Variants in AGAP1 observed in about 807,000 individuals in gnomAD.
The protein encoded by AGAP1 is ArfGAP with GTPase domain, ankyrin repeat and PH domain 1.
In AGAP1, 29 loss-of-function variants were observed where a neutral mutation model predicts 105.3. The ratio of observed to expected loss-of-function variants is 0.28; its 90% CI spans 0.21 to 0.38. The LOEUF (loss-of-function observed/expected upper bound fraction) is 0.38, where lower values mean the gene tolerates loss of function less well. Among genes scored for constraint, AGAP1 ranks in the 10% least tolerant of loss-of-function variants. The pLI is 1.00. For missense variants in AGAP1, 998 were observed against 1,165.1 expected (o/e 0.86, Z 2.09); for synonymous variants, 509 against 485.9 (o/e 1.05, Z -0.63).
chr2:235,760,540 A>G (rs1166768064), intron 6 of AGAP1, among the ~76,000 whole-genome samples: 1 of 152,192 alleles, frequency 6.6e-6, no homozygotes, highest in Non-Finnish European at 1.5e-5. Flanking sequence ...TTCATCTTAG[A>G]AGTATGAAAT....
At chr2:235,496,295 C>T (rs1464523845) in intron 1 of AGAP1, among the ~76,000 whole-genome samples, 1 of 152,178 alleles carries the variant, frequency 6.6e-6, no homozygotes, top group Non-Finnish European at 1.5e-5. Context: ...GTATCTGTCT[C>T]CCATGAGGTC....
At chr2:235,759,316 C>A (rs979730927) in intron 6 of AGAP1, among the ~76,000 whole-genome samples, 3 of 151,932 alleles carry the variant, frequency 2.0e-5, no homozygotes, top group Non-Finnish European at 4.4e-5. Flanking sequence ...CTACAGGCGC[C>A]TGCCACCACG....
rs1377522056 is a variant in AGAP1 at position 235,970,007 on chromosome 2, G to A, written c.1645+1384G>A. Reference sequence around the variant, plus strand: ...ACCTGACGTCAGGAGTTTGAGACCAGCCTGGCCAACATGATGAAACTCTGT... The same window carrying A: ...ACCTGACGTCAGGAGTTTGAGACCAACCTGGCCAACATGATGAAACTCTGT... On this transcript the variant is annotated intron_variant, in intron 13 of 17. Coordinates refer to ENST00000304032, the MANE Select transcript of AGAP1 (RefSeq NM_001037131.3). The surrounding 1 kb of genome is among the most constrained non-coding windows in gnomAD (Gnocchi z 5.4). Among the ~76,000 whole-genome samples the A allele has an allele frequency of 6.6e-6, 1 of 152,012 alleles. No individual in the cohort carries two copies. Among genetic ancestry groups the A allele is most frequent in the African/African-American group, 2.4e-5 (1 of 41,380 alleles).
intron 1 of AGAP1, among the ~76,000 whole-genome samples, chr2:235,534,040 T>G (rs1045625604): frequency 6.6e-6 from 1 of 152,350 alleles, no homozygotes. Flanking sequence ...AGCACTTGAT[T>G]GGAGCCTCCA....
rs1576274129 is a variant in AGAP1 at position 236,087,469 on chromosome 2, G to A, written c.2115-32723G>A. Reference sequence around the variant, plus strand: ...CATGGCTCTACCACACCATCTTCCCGAGAGAGCCTGTGCCCGCCCCACAGT... The same window carrying A: ...CATGGCTCTACCACACCATCTTCCCAAGAGAGCCTGTGCCCGCCCCACAGT... On this transcript the variant is annotated intron_variant, in intron 16 of 17. Transcript: ENST00000304032. The surrounding 1 kb of genome is among the most constrained non-coding windows in gnomAD (Gnocchi z 5.7). Among the ~76,000 whole-genome samples, 2 of 152,116 alleles carry A rather than the reference G, an allele frequency of 1.3e-5. No homozygotes were observed. Among genetic ancestry groups the A allele is most frequent in the South Asian group, 4.2e-4 (2 of 4,814 alleles).
chr2:235,797,855 C>G lies in AGAP1; in HGVS notation c.770C>G (p.Ser257Cys), dbSNP rs1034527689. The G allele has an allele frequency of 3.1e-6, 5 of 1,614,102 alleles. No homozygotes were observed. The highest frequency in any genetic ancestry group is 8.5e-7 in the Non-Finnish European group (1 of 1,180,046). ...PNSPSHSSVC[S>C]AQVSAVHISQ... is the part of the protein sequence containing the mutation. ...TCTCCCAGCCATTCCTCCGTCTGTT[C>G]CGCGCAGGTGTCTGCCGTGCACATC... Residue 257 changes from serine (S) to cysteine (C), a missense_variant, in exon 7 of 18, where the codon TCC (serine) becomes TGC (cysteine). Physicochemically the swap from Ser to Cys is moderately radical, Grantham distance 112. Transcript: ENST00000304032.
intron 9 of AGAP1, chr2:235,852,689 C>A (rs761606455): frequency 2.0e-6 from 3 of 1,488,734 alleles, no homozygotes; most frequent in South Asian, 1.3e-5. Flanking sequence ...TCCCCAGGGC[C>A]TGCCCTTCTT....
Position 235,843,389 on chromosome 2 carries a change from C to T in AGAP1, c.1050+36058C>T, listed in dbSNP as rs968129297. On this transcript the variant is annotated intron_variant, in intron 9 of 17. Coordinates refer to ENST00000304032, the MANE Select transcript of AGAP1 (RefSeq NM_001037131.3). This position sits in a 1 kb window ranked among gnomAD's most constrained non-coding sequence, Gnocchi z 5.9. ...TCTTTGAGTTCATTTCAGAATTCCT[C>T]CTCGGTGTCTGCTTATTGCATGGCA... 6.6e-6 allele frequency among the ~76,000 whole-genome samples: 1 copy of T among 152,132 alleles called. No homozygotes were observed. The highest frequency in any genetic ancestry group is 2.4e-5 in the African/African-American group (1 of 41,428).
At chr2:235,766,728 A>C (rs1954983682) in intron 6 of AGAP1, among the ~76,000 whole-genome samples, 1 of 152,154 alleles carries the variant, frequency 6.6e-6, no homozygotes, top group African/African-American at 2.4e-5. Context: ...AAAGTTGGCC[A>C]AAGATACAAA....
intron 1 of AGAP1, among the ~76,000 whole-genome samples, chr2:235,627,012 C>T (rs939291190): frequency 1.3e-5 from 2 of 152,148 alleles, no homozygotes; most frequent in South Asian, 2.1e-4. Flanking sequence ...TTTCACTGTT[C>T]ACATAACGTA....
intron 12 of AGAP1, among the ~76,000 whole-genome samples, chr2:235,948,525 T>G (rs2053596976): frequency 6.6e-6 from 1 of 152,212 alleles, no homozygotes; most frequent in African/African-American, 2.4e-5. Context: ...AAATACGAAT[T>G]TCATAACGAG....
chr2:235,908,839 C>T lies in AGAP1; in HGVS notation c.1257C>T (p.Pro419=), dbSNP rs777960860. 6.2e-7 allele frequency: 1 copy of T among 1,614,120 alleles called. No individual in the cohort carries two copies. The highest frequency in any genetic ancestry group is 1.1e-5 in the South Asian group (1 of 91,062). ...RPPRATSACA[P]ISSPKTNGLS... Reference sequence around the variant, plus strand: ...CCCGAGCCACGTCAGCCTGCGCACCCATCTCCAGCCCTAAAACCAATGGCC... The same window carrying T: ...CCCGAGCCACGTCAGCCTGCGCACCTATCTCCAGCCCTAAAACCAATGGCC... Residue 419 remains proline (P), a synonymous_variant, in exon 11 of 18, where the codon CCC becomes CCT. Transcript: ENST00000304032. This position sits in a 1 kb window ranked among gnomAD's most constrained non-coding sequence, Gnocchi z 4.4.
intron 1 of AGAP1, among the ~76,000 whole-genome samples, chr2:235,597,104 TC>T (rs1945550774): frequency 6.6e-6 from 1 of 152,120 alleles, no homozygotes; most frequent in African/African-American, 2.4e-5. Flanking sequence ...TTAAGGGAGA[TC>T]AAAAGAGTTA....
chr2:235,851,470 A>G (rs1220174834), intron 9 of AGAP1, among the ~76,000 whole-genome samples: 1 of 152,200 alleles, frequency 6.6e-6, no homozygotes, highest in Non-Finnish European at 1.5e-5. Flanking sequence ...CAGGCGAGTG[A>G]TGGGAAAATG....
intron 13 of AGAP1, among the ~76,000 whole-genome samples, chr2:236,018,939 C>G (rs1184639901): frequency 2.6e-5 from 4 of 152,202 alleles, no homozygotes; most frequent in Non-Finnish European, 4.4e-5. Flanking sequence ...AACAGCAAAC[C>G]TCCTCTTGGA....
chr2:235,818,832 C>T (rs1303100764), intron 9 of AGAP1, among the ~76,000 whole-genome samples: 9 of 152,242 alleles, frequency 5.9e-5, no homozygotes, highest in Non-Finnish European at 1.2e-4. Flanking sequence ...CCTCGGCCTC[C>T]CAAAGTGCTG....
Position 235,701,713 on chromosome 2 carries a change from G to A in AGAP1, c.164-7466G>A, listed in dbSNP as rs1046553858. 6.6e-5 allele frequency among the ~76,000 whole-genome samples: 10 copies of A among 152,144 alleles called. No individual in the cohort carries two copies. The highest frequency in any genetic ancestry group is 2.4e-4 in the African/African-American group (10 of 41,436). ...AGTCCTACATTTGAAAGTCATCAGC[G>A]GATTATGTCTGATCCAGTTTGCAGC... On this transcript the variant is annotated intron_variant, in intron 1 of 17. Coordinates refer to ENST00000304032, the MANE Select transcript of AGAP1 (RefSeq NM_001037131.3). This position sits in a 1 kb window ranked among gnomAD's most constrained non-coding sequence, Gnocchi z 4.1.
chr2:235,683,057 A>G (rs1271099299), intron 1 of AGAP1, among the ~76,000 whole-genome samples: 2 of 152,180 alleles, frequency 1.3e-5, no homozygotes, highest in African/African-American at 4.8e-5. Flanking sequence ...CTGTAATCCC[A>G]GCACTTTGGG....
At chr2:235,862,234 T>C (rs1283567837) in intron 9 of AGAP1, among the ~76,000 whole-genome samples, 1 of 152,158 alleles carries the variant, frequency 6.6e-6, no homozygotes, top group Non-Finnish European at 1.5e-5. Flanking sequence ...AGAAGCACAG[T>C]TTGTCTTCTA....
Sources: gnomAD v4.1 joint callset for allele counts (sites outside exome capture counted in the v4.1 genomes callset) on GRCh38, gnomAD v4.1.1 for gene constraint, Gnocchi (gnomAD v3.1) non-coding constraint, MANE v1.5 for transcripts, NCBI Gene and HGNC (gene_info 2026-07-23, HGNC 2026-07-21) for gene names.